The following SRRM4 variants were observed in gnomAD, a reference collection of about 807,000 sequenced individuals.
The protein encoded by SRRM4 is serine/arginine repetitive matrix protein 4.
A neutral mutation model predicts 68.9 loss-of-function variants in SRRM4; 33 were observed. That is an observed-to-expected ratio of 0.48 (90% CI 0.36 to 0.64). The LOEUF is 0.64. SRRM4 is among the 30% of genes least tolerant of loss of function. The pLI, the probability that SRRM4 is intolerant of heterozygous loss-of-function variation, is 0.00. For missense variants in SRRM4, 817 were observed against 827.1 expected (o/e 0.99, Z 0.15); for synonymous variants, 318 against 318.8 (o/e 1.00, Z 0.03).
chr12:119,096,446 T>C (rs1416475479), intron 1 of SRRM4, among the ~76,000 whole-genome samples: 1 of 152,180 alleles, frequency 6.6e-6, no homozygotes, highest in Admixed American at 6.5e-5. Flanking sequence ...CTCATGGGTT[T>C]CTTTGAAAAC....
intron 1 of SRRM4, among the ~76,000 whole-genome samples, chr12:119,029,070 C>T (rs943684255): frequency 6.6e-6 from 1 of 152,032 alleles, no homozygotes; most frequent in Non-Finnish European, 1.5e-5. Flanking sequence ...AATACTGTGC[C>T]CCATATGCAA....
chr12:119,114,632 T>C (rs1954166031), intron 3 of SRRM4, among the ~76,000 whole-genome samples: 1 of 151,500 alleles, frequency 6.6e-6, no homozygotes, highest in South Asian at 2.1e-4. Context: ...TGGCACATGG[T>C]AAATGACTAA....
intron 1 of SRRM4, among the ~76,000 whole-genome samples, chr12:119,050,872 TTATTAA>T: frequency 6.6e-6 from 1 of 152,074 alleles, no homozygotes; most frequent in East Asian, 1.9e-4. Flanking sequence ...TATTAATTTA[TTATTAA>T]AATTAAAAAT....
At chr12:119,074,902 A>G (rs1040072808) in intron 1 of SRRM4, among the ~76,000 whole-genome samples, 1 of 152,120 alleles carries the variant, frequency 6.6e-6, no homozygotes, top group Non-Finnish European at 1.5e-5. Flanking sequence ...TATATTAGAC[A>G]TTTTCTTGTG....
At chr12:118,985,562 T>C (rs1176085204) in intron 1 of SRRM4, among the ~76,000 whole-genome samples, 1 of 152,184 alleles carries the variant, frequency 6.6e-6, no homozygotes. Context: ...CAAACCAGGA[T>C]GTACAGTGGT....
intron 2 of SRRM4, among the ~76,000 whole-genome samples, chr12:119,107,520 A>T (rs1208582432): frequency 1.3e-5 from 2 of 152,104 alleles, no homozygotes; most frequent in African/African-American, 4.8e-5. Flanking sequence ...CTATTTAGGG[A>T]TTCAACTTCT....
At position 119,161,681 on chromosome 12, in the gene SRRM4, A is replaced by G. The variant is rs1203603485; in HGVS notation, c.*4883A>G. 2 of 152,778 alleles carry G rather than the reference A, an allele frequency of 1.3e-5. No homozygotes were observed. The highest frequency in any genetic ancestry group is 3.9e-4 in the East Asian group (2 of 5,178). The allele number at this position is 152,778 out of a possible 1,614,324, so 9.5% of individuals were successfully genotyped here. On this transcript the variant is annotated 3_prime_UTR_variant, in exon 13 of 13. Coordinates refer to ENST00000267260, the MANE Select transcript of SRRM4 (RefSeq NM_194286.4). ...AGCTCCAGGTGCTGCTGTCTGCAGCAAGGGCATTACTGCCCAGGTAAGGAG... is the reference window on the plus strand; with the variant it reads ...AGCTCCAGGTGCTGCTGTCTGCAGCGAGGGCATTACTGCCCAGGTAAGGAG...
intron 1 of SRRM4, among the ~76,000 whole-genome samples, chr12:119,080,852 C>T (rs545800893): frequency 1.4e-4 from 21 of 152,302 alleles, no homozygotes; most frequent in African/African-American, 4.3e-4. Flanking sequence ...AGAGTCCAGA[C>T]GTATAACAGG....
intron 2 of SRRM4, among the ~76,000 whole-genome samples, chr12:119,110,396 T>C (rs1176626225): frequency 2.6e-5 from 4 of 152,316 alleles, no homozygotes; most frequent in Admixed American, 6.5e-5. Flanking sequence ...TCTGCTGCCT[T>C]TTGTTCAGCT....
chr12:119,052,053 A>C (rs753256856), intron 1 of SRRM4, among the ~76,000 whole-genome samples: 14 of 152,136 alleles, frequency 9.2e-5, no homozygotes, highest in African/African-American at 2.4e-5. Context: ...GCATTTATTT[A>C]TCATTTTCCT....
intron 1 of SRRM4, among the ~76,000 whole-genome samples, chr12:119,069,835 G>A (rs1002828659): frequency 4.6e-5 from 7 of 152,138 alleles, no homozygotes; most frequent in South Asian, 4.1e-4. Flanking sequence ...ACCCAGGCAC[G>A]GCTAGCTCTG....
chr12:119,085,339 T>C (rs1033470783), intron 1 of SRRM4, among the ~76,000 whole-genome samples: 1 of 152,260 alleles, frequency 6.6e-6, no homozygotes, highest in East Asian at 1.9e-4. Flanking sequence ...TTACATACGA[T>C]GACCTGAAGC....
chr12:119,027,258 G>C (rs972942901), intron 1 of SRRM4, among the ~76,000 whole-genome samples: 6 of 152,178 alleles, frequency 3.9e-5, no homozygotes, highest in African/African-American at 1.4e-4. Context: ...TTTCTCTATG[G>C]TTTGCACCAA....
intron 1 of SRRM4, chr12:118,992,191 C>A (rs1363782572): frequency 6.6e-6 from 1 of 152,216 alleles, no homozygotes; most frequent in African/African-American, 2.4e-5. Context: ...TGCCTAAGGT[C>A]TGTAGTCTGC....
At chr12:119,074,334 G>A (rs1004840730) in intron 1 of SRRM4, among the ~76,000 whole-genome samples, 4 of 152,094 alleles carry the variant, frequency 2.6e-5, no homozygotes, top group African/African-American at 4.8e-5. Context: ...TTCAGTGTAC[G>A]GACAGAGCAA....
intron 2 of SRRM4, among the ~76,000 whole-genome samples, chr12:119,110,419 C>A (rs562115856): frequency 2.6e-5 from 4 of 152,326 alleles, no homozygotes; most frequent in African/African-American, 9.6e-5. Flanking sequence ...GCCCTGCCCC[C>A]AGAGGTGGAG....
At chr12:118,988,191 C>T (rs1295673168) in intron 1 of SRRM4, among the ~76,000 whole-genome samples, 1 of 151,758 alleles carries the variant, frequency 6.6e-6, no homozygotes, top group East Asian at 1.9e-4. Context: ...TATAGTCACA[C>T]AGTTATTTTT....
At position 119,048,648 on chromosome 12, in the gene SRRM4, G is replaced by A. The variant is rs367817381; in HGVS notation, c.132-53588G>A. Reference sequence around the variant, plus strand: ...TAAGGATAATAATAATAGCAATTGCGGGCTGGGTGCAGTGGCCTGTAATCC... The same window carrying A: ...TAAGGATAATAATAATAGCAATTGCAGGCTGGGTGCAGTGGCCTGTAATCC... On this transcript the variant is annotated intron_variant, in intron 1 of 12. Coordinates refer to ENST00000267260, the MANE Select transcript of SRRM4 (RefSeq NM_194286.4). Among the ~76,000 whole-genome samples, 10 of 152,184 alleles carry A rather than the reference G, an allele frequency of 6.6e-5. No individual in the cohort carries two copies. In the East Asian group the frequency reaches 1.2e-3, roughly 18 times the overall value.
intron 1 of SRRM4, among the ~76,000 whole-genome samples, chr12:118,985,696 T>G (rs1241735827): frequency 6.6e-6 from 1 of 152,208 alleles, no homozygotes; most frequent in East Asian, 1.9e-4. Flanking sequence ...TCATTTTGCC[T>G]GGCATTAACT....
Sources: allele counts gnomAD v4.1 joint callset (sites outside exome capture counted in the v4.1 genomes callset), GRCh38; gene constraint gnomAD v4.1.1; transcripts MANE v1.5; gene names NCBI Gene and HGNC (gene_info 2026-07-23, HGNC 2026-07-21).